Variants in TIA1 observed in about 807,000 individuals in gnomAD.
The protein encoded by TIA1 is cytotoxic granule associated RNA binding protein TIA1.
TIA1 carries 23 observed loss-of-function variants against 65.9 expected under a neutral mutation model. The ratio of observed to expected loss-of-function variants is 0.35; its 90% CI spans 0.25 to 0.49. The LOEUF (loss-of-function observed/expected upper bound fraction) is 0.49, where lower values mean the gene tolerates loss of function less well. Ranked by LOEUF, TIA1 falls within the 20% of genes least tolerant of loss-of-function variation. The pLI is 0.98. For missense variants in TIA1, 371 were observed against 477.9 expected (o/e 0.78, Z 2.09); for synonymous variants, 147 against 149.4 (o/e 0.98, Z 0.12).
rs112542260 is a variant in TIA1, at chr2:70,216,096, G to A, written c.764+112C>T. ...AACCAAGGTAAATTTTTAAGAAAACGAGGTAAATGTTCAAAAAATATTTTG... is the reference window on the plus strand; with the variant it reads ...AACCAAGGTAAATTTTTAAGAAAACAAGGTAAATGTTCAAAAAATATTTTG... On this transcript the variant is annotated intron_variant, in intron 10 of 12. Coordinates refer to ENST00000433529, the MANE Select transcript of TIA1 (RefSeq NM_022173.4). 212 of 1,006,370 alleles carry A rather than the reference G, an allele frequency of 2.1e-4. 1 individual carries two copies. The African/African-American group carries it at 2.7e-3, about 13-fold the overall frequency. The allele number at this position is 1,006,370 out of a possible 1,614,324, so 62.3% of individuals were successfully genotyped here.
rs565526267 is a variant in TIA1, at chr2:70,228,950, T to C, written c.310+109A>G. On this transcript the variant is annotated intron_variant, in intron 5 of 12. Coordinates refer to ENST00000433529, the MANE Select transcript of TIA1 (RefSeq NM_022173.4). Reference sequence around the variant, plus strand: ...GTATTGCTAGAGAGACAAATAGAAATAATATCTCCTCCCGCCCCCCTCCCC... The same window carrying C: ...GTATTGCTAGAGAGACAAATAGAAACAATATCTCCTCCCGCCCCCCTCCCC... The C allele has an allele frequency of 2.5e-4, 286 of 1,149,712 alleles. 2 individuals carry two copies. The highest frequency in any genetic ancestry group is 5.8e-4 in the South Asian group (21 of 36,064). The allele number at this position is 1,149,712 out of a possible 1,614,324, so 71.2% of individuals were successfully genotyped here.
intron 10 of TIA1, 85 bp from the exon 11 acceptor site, chr2:70,215,579 T>C: frequency 2.3e-6 from 3 of 1,307,914 alleles, no homozygotes; most frequent in Non-Finnish European, 2.1e-6. Flanking sequence ...TCAAGGTGAG[T>C]CTGAGGTAAA....
At chr2:70,220,584 A>G (rs942533949) in intron 7 of TIA1, among the ~76,000 whole-genome samples, 1 of 152,176 alleles carries the variant, frequency 6.6e-6, no homozygotes, top group Non-Finnish European at 1.5e-5. Flanking sequence ...TCAAAAGAGC[A>G]TGGACATGCT....
chr2:70,245,850 T>C (rs900294375), intron 1 of TIA1, among the ~76,000 whole-genome samples: 1 of 151,918 alleles, frequency 6.6e-6, no homozygotes, highest in African/African-American at 2.4e-5. Flanking sequence ...GTGATAAAAA[T>C]TCAGACTCTA....
intron 2 of TIA1, among the ~76,000 whole-genome samples, chr2:70,234,812 G>A (rs1039727853): frequency 6.6e-6 from 1 of 151,782 alleles, no homozygotes; most frequent in African/African-American, 2.4e-5. Flanking sequence ...TGCCTGCCTC[G>A]GCCTCCCAAA....
At chr2:70,236,240 C>G (rs1688882736) in intron 1 of TIA1, 65 bp from the exon 2 acceptor site, 1 of 1,112,640 alleles carries the variant, frequency 9.0e-7, no homozygotes, top group Non-Finnish European at 1.3e-6. Flanking sequence ...CTCTTGTTGC[C>G]CAGGATAGAG....
chr2:70,241,708 G>A (rs1419927737), intron 1 of TIA1, among the ~76,000 whole-genome samples: 4 of 152,152 alleles, frequency 2.6e-5, no homozygotes, highest in Non-Finnish European at 5.9e-5. Context: ...GGGAGGCCGA[G>A]GTGAGAGATT....
intron 2 of TIA1, among the ~76,000 whole-genome samples, chr2:70,231,701 T>G (rs1246614348): frequency 6.6e-6 from 1 of 152,202 alleles, no homozygotes; most frequent in African/African-American, 2.4e-5. Flanking sequence ...ATAAGTTACT[T>G]TTTACTGCTA....
intron 8 of TIA1, 160 bp downstream of exon 8, chr2:70,216,726 A>G (rs1293791836): frequency 1.3e-6 from 2 of 1,526,576 alleles, no homozygotes; most frequent in Admixed American, 2.0e-5. Context: ...AATATTATTT[A>G]TAATTACAAA....
At chr2:70,246,809 C>T (rs1694580897) in intron 1 of TIA1, among the ~76,000 whole-genome samples, 1 of 152,012 alleles carries the variant, frequency 6.6e-6, no homozygotes, top group East Asian at 1.9e-4. Context: ...TCATTTAAAC[C>T]CAGGAGGTGG....
chr2:70,230,050 T>G (rs1312461848), intron 3 of TIA1, among the ~76,000 whole-genome samples: 2 of 151,836 alleles, frequency 1.3e-5, no homozygotes, highest in African/African-American at 2.4e-5. Context: ...GAGACCATCC[T>G]GGCCAACACG....
intron 11 of TIA1, among the ~76,000 whole-genome samples, 162 bp from the exon 12 acceptor site, chr2:70,214,656 A>C (rs1186720547): frequency 6.6e-6 from 1 of 152,032 alleles, no homozygotes; most frequent in Admixed American, 6.6e-5. Flanking sequence ...AAAAAAAAAA[A>C]AACAAAAAAC....
At position 70,216,635 on chromosome 2, in the gene TIA1, G is replaced by T. The variant is rs1475445802; in HGVS notation, c.584-136C>A. The stretch of plus-strand genomic sequence containing the variant: ...CTTATATTACACATATTATACTTCA[G>T]TTCAGAATTAAACCTCCCCCACGAA... On this transcript the variant is annotated intron_variant, in intron 8 of 12. Coordinates refer to ENST00000433529, the MANE Select transcript of TIA1 (RefSeq NM_022173.4). 1.6e-5 allele frequency: 21 copies of T among 1,314,898 alleles called. No individual in the cohort carries two copies. The Middle Eastern group carries it at 1.3e-3, about 79-fold the overall frequency. 81.5% of individuals were successfully genotyped at this position (1,314,898 alleles called of 1,614,324 possible).
rs1676677377 is a variant in TIA1, at chr2:70,212,304, T to G, written c.*415A>C. Reference sequence around the variant, plus strand: ...AAGATGACAAACAACTTCTAGACTCTGCACAGTTTTGGTTTTTTTTTTTAA... The same window carrying G: ...AAGATGACAAACAACTTCTAGACTCGGCACAGTTTTGGTTTTTTTTTTTAA... On this transcript the variant is annotated 3_prime_UTR_variant, in exon 13 of 13. Coordinates refer to ENST00000433529, the MANE Select transcript of TIA1 (RefSeq NM_022173.4). 6.2e-6 allele frequency: 1 copy of G among 162,392 alleles called. No homozygotes were observed. The highest frequency in any genetic ancestry group is 2.4e-5 in the African/African-American group (1 of 41,458). The allele number at this position is 162,392 out of a possible 1,614,324, so 10.1% of individuals were successfully genotyped here. A position where few individuals can be genotyped will look rare whatever the true frequency, so the allele number is the denominator to read the frequency against.
Position 70,236,138 on chromosome 2 carries a change from G to A in TIA1, c.64C>T (p.Leu22=). 2 of 1,612,376 alleles carry A rather than the reference G, an allele frequency of 1.2e-6. No homozygotes were observed. Among genetic ancestry groups the A allele is most frequent in the Non-Finnish European group, 1.7e-6 (2 of 1,179,132 alleles). ...GNLSRDVTEA[L]ILQLFSQIGP... ...ATCTGGCTAAAGAGTTGCAGAATTA[G>A]AGCTTCTGTCACATCTCTGGAAAGG... Residue 22 remains leucine (L), a synonymous_variant, in exon 2 of 13, where the codon CTA becomes TTA. Transcript: ENST00000433529.
intron 1 of TIA1, among the ~76,000 whole-genome samples, chr2:70,242,660 C>A (rs768973068): frequency 1.3e-5 from 2 of 152,072 alleles, no homozygotes; most frequent in African/African-American, 4.8e-5. Flanking sequence ...CCAACTCCCC[C>A]CTAGGCCATG....
chr2:70,245,215 G>A (rs1450051030), intron 1 of TIA1, among the ~76,000 whole-genome samples: 1 of 152,162 alleles, frequency 6.6e-6, no homozygotes, highest in Non-Finnish European at 1.5e-5. Context: ...TCAAACTTCT[G>A]ACCTCAGGTG....
intron 1 of TIA1, among the ~76,000 whole-genome samples, chr2:70,245,784 C>T (rs891019157): frequency 1.3e-5 from 2 of 151,980 alleles, no homozygotes; most frequent in East Asian, 3.8e-4. Context: ...ATGGAGATGC[C>T]GAACACTCAG....
chr2:70,230,605 C>CTGTG (rs1317212956), intron 3 of TIA1, 151 bp downstream of exon 3: 23 of 555,908 alleles, frequency 4.1e-5, no homozygotes, highest in Non-Finnish European at 6.3e-5. Flanking sequence ...TGAGCCAAGA[C>CTGTG]TGTGCCATTG....
Sources: allele counts gnomAD v4.1 joint callset (sites outside exome capture counted in the v4.1 genomes callset), GRCh38; gene constraint gnomAD v4.1.1; transcripts MANE v1.5; gene names NCBI Gene and HGNC (gene_info 2026-07-23, HGNC 2026-07-21).